Variants in TBC1D31 observed in about 807,000 individuals in gnomAD.
TBC1D31 encodes TBC1 domain family member 31.
TBC1D31 carries 99 observed loss-of-function variants against 132.9 expected under a neutral mutation model. That is an observed-to-expected ratio of 0.74 (90% confidence interval 0.63 to 0.88). TBC1D31 has a LOEUF of 0.88. Ranked by LOEUF, TBC1D31 falls within the 40% of genes least tolerant of loss-of-function variation. The pLI, the probability that TBC1D31 is intolerant of heterozygous loss-of-function variation, is 0.00. For missense variants in TBC1D31, 1,134 were observed against 1,256.6 expected (o/e 0.90, Z 1.48); for synonymous variants, 385 against 419.4 (o/e 0.92, Z 1.00).
chr8:123,159,558 T>A, the TBC1D31 span, among the ~76,000 whole-genome samples: 1 of 152,168 alleles, frequency 6.6e-6, no homozygotes. Context: ...TTGGGAGGCC[T>A]AGGCGGGAGG....
Position 123,150,121 on chromosome 8 carries a change from A to C in TBC1D31, c.3060A>C (p.Ser1020=), listed in dbSNP as rs1822635654. 1 of 1,611,042 alleles carries C rather than the reference A, an allele frequency of 6.2e-7. No homozygotes were observed. Among genetic ancestry groups the C allele is most frequent in the South Asian group, 1.1e-5 (1 of 90,980 alleles). The change falls in exon 21 of 22, where the codon TCA becomes TCC. Residue 1020 remains serine (S), a synonymous_variant. Transcript: ENST00000287380. The part of the protein sequence containing the change: ...QLNDSSEMDP[S]TQISLNRRAV... ...ATGACTCTTCTGAAATGGATCCCTC[A>C]ACACAGAGTAAGTTGATAAGCAAGA...
At chr8:123,080,405 A>G (rs764653066) in intron 2 of TBC1D31, among the ~76,000 whole-genome samples, 6 of 151,916 alleles carry the variant, frequency 3.9e-5, no homozygotes, top group Non-Finnish European at 8.8e-5. Context: ...TCTAAAGTCA[A>G]CTCCTGTGAT....
At chr8:123,131,316 A>G (rs1820592710) in intron 16 of TBC1D31, among the ~76,000 whole-genome samples, 1 of 146,514 alleles carries the variant, frequency 6.8e-6, no homozygotes, top group Non-Finnish European at 1.5e-5. Context: ...GTGAGCCGAG[A>G]TCATGCCACT....
At chr8:123,092,978 ATTT>A (rs1229293909) in intron 4 of TBC1D31, among the ~76,000 whole-genome samples, 1 of 151,720 alleles carries the variant, frequency 6.6e-6, no homozygotes, top group Non-Finnish European at 1.5e-5. Context: ...TGCCTGAGTA[ATTT>A]TTTTATTTTT....
Position 123,136,126 on chromosome 8 carries a change from C to T in TBC1D31, c.2499+1920C>T, listed in dbSNP as rs116048663. 1.7e-3 allele frequency among the ~76,000 whole-genome samples: 260 copies of T among 152,200 alleles called. 1 individual carries two copies. The highest frequency in any genetic ancestry group is 6.1e-3 in the African/African-American group (254 of 41,528). On this transcript the variant is annotated intron_variant, in intron 17 of 21. Coordinates refer to ENST00000287380, the MANE Select transcript of TBC1D31 (RefSeq NM_145647.4). ...CTAAGGAATCCTCTTATATAACCAC[C>T]GTACAGTTCTCAAAATCAGAAATTA...
chr8:123,139,621 A>C (rs1258511288), intron 17 of TBC1D31, among the ~76,000 whole-genome samples: 1 of 152,198 alleles, frequency 6.6e-6, no homozygotes. Flanking sequence ...GCAAAACCTC[A>C]GAGTTGACCA....
chr8:123,102,025 G>A (rs760681748), intron 7 of TBC1D31, among the ~76,000 whole-genome samples: 3 of 152,072 alleles, frequency 2.0e-5, no homozygotes, highest in Non-Finnish European at 2.9e-5. Flanking sequence ...CGAACTTATA[G>A]CTTCCCTCAT....
chr8:123,142,642 G>C (rs192634418), intron 19 of TBC1D31, among the ~76,000 whole-genome samples, 186 bp downstream of exon 19: 32 of 152,192 alleles, frequency 2.1e-4, no homozygotes, highest in African/African-American at 7.7e-4. Context: ...CCTAAGCACT[G>C]AAATTTTGAA....
At chr8:123,161,575 A>G in the TBC1D31 span, among the ~76,000 whole-genome samples, 3 of 152,206 alleles carry the variant, frequency 2.0e-5, no homozygotes, top group South Asian at 4.1e-4. Flanking sequence ...CCCTAAAATA[A>G]TGTTGAAAAA....
chr8:123,131,781 A>T (rs1296704382), intron 16 of TBC1D31, among the ~76,000 whole-genome samples: 3 of 152,166 alleles, frequency 2.0e-5, no homozygotes, highest in East Asian at 1.9e-4. Context: ...AGTCTGTAAG[A>T]GTACCCACTC....
intron 2 of TBC1D31, among the ~76,000 whole-genome samples, chr8:123,078,846 C>G (rs1331116066): frequency 2.0e-5 from 3 of 151,592 alleles, no homozygotes; most frequent in East Asian, 1.9e-4. Context: ...ACAAAGTACC[C>G]CCCCACAAAA....
At chr8:123,148,863 C>G (rs543470087) in intron 20 of TBC1D31, among the ~76,000 whole-genome samples, 2 of 152,192 alleles carry the variant, frequency 1.3e-5, no homozygotes, top group Admixed American at 1.3e-4. Flanking sequence ...CATGACCAAC[C>G]TGGCCAACAT....
intron 16 of TBC1D31, among the ~76,000 whole-genome samples, chr8:123,131,501 C>T (rs1820626219): frequency 6.6e-6 from 1 of 151,204 alleles, no homozygotes. Flanking sequence ...TTTTTGTAAC[C>T]TGCTTTTTAA....
chr8:123,135,940 T>G (rs901194747), intron 17 of TBC1D31, among the ~76,000 whole-genome samples: 1 of 152,240 alleles, frequency 6.6e-6, no homozygotes. Context: ...GATATTTGTC[T>G]CTCAGATTTT....
At chr8:123,085,979 A>G (rs1245486154) in intron 4 of TBC1D31, among the ~76,000 whole-genome samples, 1 of 152,202 alleles carries the variant, frequency 6.6e-6, no homozygotes. Flanking sequence ...TTTCCTGAGC[A>G]GGAAAATGGG....
At position 123,109,564 on chromosome 8, in the gene TBC1D31, C is replaced by T. The variant is rs777638136; in HGVS notation, c.1380C>T (p.Leu460=). 2.5e-6 allele frequency: 4 copies of T among 1,613,922 alleles called. No individual in the cohort carries two copies. The Admixed American group carries it at 5.0e-5, about 20-fold the overall frequency. The change falls in exon 10 of 22, where the codon CTC becomes CTT. Residue 460 remains leucine (L), a synonymous_variant. Transcript: ENST00000287380. The part of the protein sequence containing the change: ...LIDKGTHVAF[L]NLQKKYPIKS... ...ATAAGGGGACTCATGTGGCATTTCTCAACCTTCAGAAGAAATACCCCATCA... is the reference window on the plus strand; with the variant it reads ...ATAAGGGGACTCATGTGGCATTTCTTAACCTTCAGAAGAAATACCCCATCA...
At chr8:123,080,619 C>T (rs1041972587) in intron 2 of TBC1D31, among the ~76,000 whole-genome samples, 5 of 142,100 alleles carry the variant, frequency 3.5e-5, no homozygotes, top group African/African-American at 1.3e-4. Context: ...CACTGTGCAA[C>T]CTCTGCCTCC....
At position 123,142,262 on chromosome 8, in the gene TBC1D31, G is replaced by T; in HGVS notation, c.2641G>T (p.Val881Leu). The T allele has an allele frequency of 6.4e-7, 1 of 1,563,974 alleles. No individual in the cohort carries two copies. Among genetic ancestry groups the T allele is most frequent in the Middle Eastern group, 1.7e-4 (1 of 5,810 alleles). ...TCTGAAATGTATAACTTTTTCCTAG[G>T]TGATTAAAGAAAATTTGGCAAAGGC... Reference protein sequence around the residue: ...GETQSQKTQKVIKENLAKAEQ... With the variant: ...GETQSQKTQKLIKENLAKAEQ... The change falls in exon 19 of 22, where the codon GTG (valine) becomes TTG (leucine). Residue 881 changes from valine (V) to leucine (L), a missense_variant and splice_region_variant. Physicochemically the swap from Val to Leu is conservative, Grantham distance 32. Transcript: ENST00000287380.
At chr8:123,093,111 C>T (rs777451140) in intron 4 of TBC1D31, among the ~76,000 whole-genome samples, 1 of 152,082 alleles carries the variant, frequency 6.6e-6, no homozygotes, top group African/African-American at 2.4e-5. Flanking sequence ...TGCGCCTGGC[C>T]TAATTTTTGT....
Sources: allele counts gnomAD v4.1 joint callset (sites outside exome capture counted in the v4.1 genomes callset), GRCh38; gene constraint gnomAD v4.1.1; transcripts MANE v1.5; gene names NCBI Gene and HGNC (gene_info 2026-07-23, HGNC 2026-07-21).